The following PDE4D variants were observed in gnomAD, a reference collection of about 807,000 sequenced individuals.
PDE4D encodes 3',5'-cyclic-AMP phosphodiesterase 4D.
PDE4D carries 24 observed loss-of-function variants against 87.4 expected under a neutral mutation model. That is an observed-to-expected ratio of 0.27 (90% CI 0.20 to 0.39). PDE4D has a LOEUF of 0.39. PDE4D is among the 10% of genes least tolerant of loss of function. PDE4D has a pLI of 1.00. For missense variants in PDE4D, 714 were observed against 1,041.0 expected, an observed-to-expected ratio of 0.69 and a Z score of 4.32; for synonymous variants, 384 against 383.2, an observed-to-expected ratio of 1.00 and a Z score of -0.02.
At position 59,439,246 on chromosome 5, in the gene PDE4D, C is replaced by A. The variant is rs557861071; in HGVS notation, c.456-223278G>T. Among the ~76,000 whole-genome samples, 3 of 151,986 alleles carry A rather than the reference C, an allele frequency of 2.0e-5. No individual in the cohort carries two copies. The South Asian group carries it at 6.2e-4, about 32-fold the overall frequency. ...TGGTGGCACACACCTGTAATCCCAG[C>A]TACCTCGGAGGCTGAGGCAGGAGAA... On this transcript the variant is annotated intron_variant, in intron 1 of 14. Transcript: ENST00000340635.
At chr5:59,360,709 C>G (rs1213612318) in intron 1 of PDE4D, among the ~76,000 whole-genome samples, 1 of 152,092 alleles carries the variant, frequency 6.6e-6, no homozygotes, top group Non-Finnish European at 1.5e-5. Context: ...TCATTCTAAA[C>G]CTTATATGAG....
chr5:59,719,998 T>C (rs745874479), intron 1 of PDE4D, among the ~76,000 whole-genome samples: 3 of 152,166 alleles, frequency 2.0e-5, no homozygotes, highest in Non-Finnish European at 4.4e-5. Flanking sequence ...GCATCCAACA[T>C]ACCAAATCAG....
At chr5:59,032,045 T>A (rs1310487279) in intron 6 of PDE4D, among the ~76,000 whole-genome samples, 3 of 152,210 alleles carry the variant, frequency 2.0e-5, no homozygotes, top group African/African-American at 7.2e-5. Flanking sequence ...ACCCCAGTAA[T>A]TAATAACGTA....
At chr5:59,325,712 G>A (rs1366916388) in intron 1 of PDE4D, among the ~76,000 whole-genome samples, 9 of 152,062 alleles carry the variant, frequency 5.9e-5, no homozygotes, top group African/African-American at 2.2e-4. Flanking sequence ...TTGAAAGTTT[G>A]GTAGAACTTG....
At chr5:60,336,640 A>G (rs1410700320) in intron 1 of PDE4D, among the ~76,000 whole-genome samples, 1 of 152,206 alleles carries the variant, frequency 6.6e-6, no homozygotes, top group African/African-American at 2.4e-5. Flanking sequence ...CTTACTTCAT[A>G]CAAAAATCTC....
chr5:60,073,174 G>A (rs1772916360), intron 2 of PDE4D, among the ~76,000 whole-genome samples: 1 of 152,038 alleles, frequency 6.6e-6, no homozygotes, highest in African/African-American at 2.4e-5. Flanking sequence ...TTATTTTTCT[G>A]AGGTACGTTC....
chr5:60,254,967 A>C (rs776938869), intron 1 of PDE4D, among the ~76,000 whole-genome samples: 6 of 151,900 alleles, frequency 3.9e-5, no homozygotes, highest in Non-Finnish European at 8.8e-5. Context: ...TCTCATTCTC[A>C]TAGCAAATAC....
intron 2 of PDE4D, among the ~76,000 whole-genome samples, chr5:60,097,992 G>T (rs1445115933): frequency 6.6e-6 from 1 of 151,852 alleles, no homozygotes. Context: ...TTCTTACTTA[G>T]CTCTGAATCT....
intron 1 of PDE4D, among the ~76,000 whole-genome samples, chr5:60,404,342 T>C (rs1010364489): frequency 8.2e-6 from 1 of 121,522 alleles, no homozygotes. Flanking sequence ...GTTGGAACAA[T>C]GGGCTTTGTT....
intron 12 of PDE4D, 71 bp from the exon 13 acceptor site, chr5:58,976,543 T>A: frequency 8.2e-7 from 1 of 1,218,488 alleles, no homozygotes; most frequent in Admixed American, 2.3e-5. Flanking sequence ...ACGCAGAATA[T>A]AAGAATGAAA....
intron 1 of PDE4D, among the ~76,000 whole-genome samples, chr5:59,220,422 TAA>T (rs369438971): frequency 2.6e-5 from 3 of 114,656 alleles, no homozygotes; most frequent in Admixed American, 8.5e-5. Context: ...AAAACAGAGT[TAA>T]AAAAAAAAAG....
chr5:59,331,961 T>C (rs1006145725), intron 1 of PDE4D, among the ~76,000 whole-genome samples: 24 of 152,304 alleles, frequency 1.6e-4, no homozygotes, highest in African/African-American at 5.8e-4. Context: ...GGTTCTTAGA[T>C]CCATGGCCCA....
intron 1 of PDE4D, among the ~76,000 whole-genome samples, chr5:59,483,852 G>A (rs1239469765): frequency 6.6e-6 from 1 of 152,182 alleles, no homozygotes; most frequent in Non-Finnish European, 1.5e-5. Context: ...TTAAGGCTGA[G>A]TGTTACATTT....
intron 1 of PDE4D, among the ~76,000 whole-genome samples, chr5:59,431,701 G>T (rs1021690338): frequency 1.6e-4 from 25 of 152,092 alleles, no homozygotes; most frequent in African/African-American, 5.3e-4. Context: ...TGCCATGGGG[G>T]TTTGTTGTAC....
chr5:59,174,528 G>T (rs922434), intron 5 of PDE4D: 1 of 152,386 alleles, frequency 6.6e-6, no homozygotes, highest in Non-Finnish European at 1.5e-5. Context: ...TTGCTTTAGG[G>T]TGCTGGTCTC....
intron 1 of PDE4D, among the ~76,000 whole-genome samples, chr5:59,721,123 G>A (rs1249996177): frequency 6.6e-6 from 1 of 152,134 alleles, no homozygotes; most frequent in African/African-American, 2.4e-5. Context: ...TATAAGTCTT[G>A]TCTATTTTTC....
intron 2 of PDE4D, among the ~76,000 whole-genome samples, chr5:59,197,850 C>A (rs1413963105): frequency 6.6e-6 from 1 of 152,148 alleles, no homozygotes; most frequent in Non-Finnish European, 1.5e-5. Context: ...ATTCTGAAAT[C>A]TTGCACCTGA....
chr5:60,047,893 G>A (rs1769504986), intron 2 of PDE4D, among the ~76,000 whole-genome samples: 2 of 152,138 alleles, frequency 1.3e-5, no homozygotes, highest in South Asian at 4.1e-4. Context: ...GCTTGGTGCA[G>A]AGCTGAGTTC....
intron 1 of PDE4D, among the ~76,000 whole-genome samples, chr5:59,575,896 T>C (rs1276902166): frequency 1.3e-5 from 2 of 152,106 alleles, no homozygotes; most frequent in African/African-American, 4.8e-5. Context: ...TGCTGAGGCT[T>C]GAGAGATGAG....
Sources: gnomAD v4.1 joint callset for allele counts (sites outside exome capture counted in the v4.1 genomes callset) on GRCh38, gnomAD v4.1.1 for gene constraint, MANE v1.5 for transcripts, NCBI Gene and HGNC (gene_info 2026-07-23, HGNC 2026-07-21) for gene names.